Variants in ZNF407 observed in about 807,000 individuals in gnomAD.
The protein encoded by ZNF407 is zinc finger protein 407.
ZNF407 carries 17 observed loss-of-function variants against 131.2 expected under a neutral mutation model. That is an observed-to-expected ratio of 0.13 (90% CI 0.09 to 0.19). The LOEUF is 0.19. ZNF407 is among the 10% of genes least tolerant of loss of function. ZNF407 has a pLI of 1.00. For synonymous variants in ZNF407, 1,156 were observed against 1,062.0 expected (o/e 1.09, Z -1.72); for missense variants, 2,681 against 2,830.6 (o/e 0.95, Z 1.20).
At chr18:74,851,754 G>A (rs1473476289) in intron 4 of ZNF407, among the ~76,000 whole-genome samples, 1 of 152,122 alleles carries the variant, frequency 6.6e-6, no homozygotes, top group Non-Finnish European at 1.5e-5. Context: ...ATCGCCAGAG[G>A]CCACAGTTTA....
At chr18:74,607,618 C>T (rs757068038) in intron 1 of ZNF407, among the ~76,000 whole-genome samples, 9 of 152,256 alleles carry the variant, frequency 5.9e-5, no homozygotes, top group Non-Finnish European at 8.8e-5. Context: ...GTCTTAGCAA[C>T]GTTTTCTGTG....
chr18:74,625,481 A>G (rs931493709), intron 1 of ZNF407, among the ~76,000 whole-genome samples: 1 of 152,198 alleles, frequency 6.6e-6, no homozygotes, highest in Non-Finnish European at 1.5e-5. Context: ...GCACTGCAGC[A>G]GTGTTTGCAG....
At chr18:74,713,283 A>C (rs1298228219) in intron 3 of ZNF407, among the ~76,000 whole-genome samples, 1 of 151,760 alleles carries the variant, frequency 6.6e-6, no homozygotes, top group Non-Finnish European at 1.5e-5. Flanking sequence ...TTTATACATT[A>C]AAAAATCAGC....
chr18:74,675,379 A>C (rs1314638501), intron 3 of ZNF407, among the ~76,000 whole-genome samples: 1 of 152,130 alleles, frequency 6.6e-6, no homozygotes, highest in Admixed American at 6.5e-5. Context: ...AACTTTGTGC[A>C]TTTTCCTTTC....
At position 74,941,072 on chromosome 18, in the gene ZNF407, G is replaced by A. The variant is rs551082811; in HGVS notation, c.5428+20380G>A. 9.2e-5 allele frequency among the ~76,000 whole-genome samples: 13 copies of A among 140,930 alleles called. No individual in the cohort carries two copies. In the South Asian group the frequency reaches 1.7e-3, roughly 19 times the overall value. 92.5% of individuals were successfully genotyped at this position (140,930 alleles called of 152,430 possible). ...CTAAGTGAATCCCAGTGGCGGAACC[G>A]GGCCCGTCCTTGCCTTGCCCTGCTG... is the stretch of plus-strand genomic sequence containing the variant. On this transcript the variant is annotated intron_variant, in intron 8 of 8. Transcript: ENST00000299687.
At chr18:74,912,066 CCTG>C (rs1971680883) in intron 7 of ZNF407, among the ~76,000 whole-genome samples, 4 of 152,210 alleles carry the variant, frequency 2.6e-5, no homozygotes, top group South Asian at 4.1e-4. Flanking sequence ...CATGGATCTT[CCTG>C]GGGAAAATGG....
intron 8 of ZNF407, among the ~76,000 whole-genome samples, chr18:74,973,103 A>AC (rs1972490401): frequency 6.7e-6 from 1 of 150,234 alleles, no homozygotes; most frequent in Admixed American, 6.6e-5. Flanking sequence ...TCTTCTTAAA[A>AC]CTTTTTTAGT....
intron 3 of ZNF407, among the ~76,000 whole-genome samples, chr18:74,652,368 G>A (rs114462643): frequency 0.011 from 1,679 of 151,978 alleles, 23 homozygotes; most frequent in African/African-American, 0.038. Context: ...TATTCATCGA[G>A]CAATTTCAAA....
intron 8 of ZNF407, among the ~76,000 whole-genome samples, chr18:74,999,732 C>T (rs1241712063): frequency 6.6e-6 from 1 of 152,102 alleles, no homozygotes; most frequent in Non-Finnish European, 1.5e-5. Context: ...TTAGGAAATA[C>T]GTCTTGATTA....
At chr18:74,903,110 C>T (rs12962578) in intron 7 of ZNF407, among the ~76,000 whole-genome samples, 32,465 of 152,138 alleles carry the variant, frequency 0.21, 3,860 homozygotes, top group South Asian at 0.28. Context: ...AAACTGTGCT[C>T]CTATACATGA....
intron 5 of ZNF407, among the ~76,000 whole-genome samples, chr18:74,879,646 A>G (rs1192454233): frequency 1.3e-5 from 2 of 152,206 alleles, no homozygotes; most frequent in Non-Finnish European, 1.5e-5. Flanking sequence ...TATTGAAATA[A>G]TAATACCAAG....
At chr18:74,799,593 G>A (rs1433259308) in intron 4 of ZNF407, among the ~76,000 whole-genome samples, 1 of 152,110 alleles carries the variant, frequency 6.6e-6, no homozygotes, top group Non-Finnish European at 1.5e-5. Flanking sequence ...AAAGGAGTAA[G>A]TTGGACATTG....
intron 8 of ZNF407, among the ~76,000 whole-genome samples, chr18:75,032,736 G>C (rs918044765): frequency 6.8e-6 from 1 of 147,712 alleles, no homozygotes; most frequent in African/African-American, 2.6e-5. Flanking sequence ...CGGAATGGGG[G>C]GAAGATAGCA....
chr18:75,029,602 CA>C (rs1295579397), intron 8 of ZNF407, among the ~76,000 whole-genome samples: 1 of 151,774 alleles, frequency 6.6e-6, no homozygotes, highest in Admixed American at 6.6e-5. Flanking sequence ...CGTATGTGTG[CA>C]TGGGTGTGTG....
chr18:74,641,515 C>A (rs1336250805), intron 3 of ZNF407, among the ~76,000 whole-genome samples: 1 of 151,938 alleles, frequency 6.6e-6, no homozygotes, highest in Non-Finnish European at 1.5e-5. Flanking sequence ...ACAGTAGTAG[C>A]TCTTTGGATC....
rs150160334 is a variant in ZNF407 at position 74,843,771 on chromosome 18, C to T, written c.4878-33426C>T. On this transcript the variant is annotated intron_variant, in intron 4 of 8. Coordinates refer to ENST00000299687, the MANE Select transcript of ZNF407 (RefSeq NM_017757.3). The stretch of plus-strand genomic sequence containing the variant: ...TTGAATTTATCAAGAGTACACAGAT[C>T]TTACCTTACAGCATAACAGCAGCCC... Among the ~76,000 whole-genome samples the T allele has an allele frequency of 2.5e-4, 38 of 152,222 alleles. 1 individual carries two copies. In the East Asian group the frequency reaches 7.3e-3, roughly 29 times the overall value.
chr18:74,781,149 G>T (rs891283617), intron 3 of ZNF407, among the ~76,000 whole-genome samples: 4 of 152,084 alleles, frequency 2.6e-5, no homozygotes, highest in Admixed American at 2.0e-4. Context: ...TTACCAACTG[G>T]AAGTGAAGAC....
At chr18:74,801,317 A>T (rs1016445725) in intron 4 of ZNF407, among the ~76,000 whole-genome samples, 5 of 152,166 alleles carry the variant, frequency 3.3e-5, no homozygotes, top group African/African-American at 1.2e-4. Context: ...GATTAATTTC[A>T]TAAGGCTTCA....
chr18:74,709,760 T>G (rs1967713207), intron 3 of ZNF407, among the ~76,000 whole-genome samples: 1 of 152,196 alleles, frequency 6.6e-6, no homozygotes, highest in Admixed American at 6.5e-5. Flanking sequence ...CTGAGAAAGA[T>G]TTTGATGCCT....
Sources: gnomAD v4.1 joint callset for allele counts (sites outside exome capture counted in the v4.1 genomes callset) on GRCh38, gnomAD v4.1.1 for gene constraint, MANE v1.5 for transcripts, NCBI Gene and HGNC (gene_info 2026-07-23, HGNC 2026-07-21) for gene names.